Variants in ST6GALNAC3 observed in about 807,000 individuals in gnomAD.
The protein encoded by ST6GALNAC3 is alpha-N-acetylgalactosaminide alpha-2,6-sialyltransferase 3.
Under a neutral mutation model 32.7 loss-of-function variants are expected in ST6GALNAC3, and 25 were observed. That is an observed-to-expected ratio of 0.76 (90% CI 0.56 to 1.07). The LOEUF (loss-of-function observed/expected upper bound fraction) is 1.07. Ranked by LOEUF, ST6GALNAC3 falls within the 50% of genes least tolerant of loss-of-function variation. The pLI, the probability that ST6GALNAC3 is intolerant of heterozygous loss-of-function variation, is 0.00. For synonymous variants in ST6GALNAC3, 129 were observed against 133.1 expected (o/e 0.97, Z 0.21); for missense variants, 355 against 382.4 (o/e 0.93, Z 0.60).
chr1:76,542,696 A>G (rs1289758258), intron 3 of ST6GALNAC3, among the ~76,000 whole-genome samples: 2 of 152,186 alleles, frequency 1.3e-5, no homozygotes, highest in Admixed American at 1.3e-4. Flanking sequence ...TTGTAATGCA[A>G]TTAATTTTTC....
intron 1 of ST6GALNAC3, among the ~76,000 whole-genome samples, chr1:76,298,571 T>C (rs533657882): frequency 6.6e-6 from 1 of 152,150 alleles, no homozygotes; most frequent in South Asian, 2.1e-4. Flanking sequence ...ATATTTGACA[T>C]GTCTTCCTTT....
At chr1:76,254,519 T>C (rs1657805187) in intron 1 of ST6GALNAC3, among the ~76,000 whole-genome samples, 1 of 152,148 alleles carries the variant, frequency 6.6e-6, no homozygotes, top group African/African-American at 2.4e-5. Context: ...AAGCTGTTTT[T>C]ATGAAAAATC....
At chr1:76,219,891 A>G (rs986689489) in intron 1 of ST6GALNAC3, among the ~76,000 whole-genome samples, 1 of 152,134 alleles carries the variant, frequency 6.6e-6, no homozygotes, top group Non-Finnish European at 1.5e-5. Context: ...GCGGTTCTGG[A>G]TCTTGCTCTG....
intron 4 of ST6GALNAC3, 75 bp downstream of exon 4, chr1:76,627,634 A>T (rs34059069): frequency 9.2e-7 from 1 of 1,092,836 alleles, no homozygotes; most frequent in Non-Finnish European, 1.4e-6. Flanking sequence ...TCATTTTAAT[A>T]CCATAAATCT....
chr1:76,231,969 A>G (rs1226452838), intron 1 of ST6GALNAC3, among the ~76,000 whole-genome samples: 1 of 152,200 alleles, frequency 6.6e-6, no homozygotes, highest in African/African-American at 2.4e-5. Flanking sequence ...TGAAACACCT[A>G]ACTGAATTTT....
At chr1:76,347,335 T>C (rs1211198599) in intron 2 of ST6GALNAC3, among the ~76,000 whole-genome samples, 1 of 152,130 alleles carries the variant, frequency 6.6e-6, no homozygotes, top group Admixed American at 6.6e-5. Flanking sequence ...CAGCAGTCTT[T>C]TCCCCATCCA....
chr1:76,173,912 G>A (rs1004177622), intron 1 of ST6GALNAC3, among the ~76,000 whole-genome samples: 6 of 152,332 alleles, frequency 3.9e-5, no homozygotes, highest in Admixed American at 3.3e-4. Context: ...TTCAACCATT[G>A]TGGAAGACAG....
In ST6GALNAC3 at chr1:76,633,425, T is replaced by C. The variant is rs558747360; in HGVS notation, c.*4619T>C. 2 of 152,322 alleles carry C rather than the reference T, an allele frequency of 1.3e-5. No homozygotes were observed. The highest frequency in any genetic ancestry group is 2.1e-4 in the South Asian group (1 of 4,832). 9.4% of individuals were successfully genotyped at this position (152,322 alleles called of 1,614,324 possible). ...CTTTCTTCTCTCTGTTTGTTGCTAT[T>C]GGTAAGGCTAGGCTATGTTCTGTTA... On this transcript the variant is annotated 3_prime_UTR_variant, in exon 5 of 5. Transcript: ENST00000328299.
chr1:76,320,528 GC>G (rs769795581), intron 2 of ST6GALNAC3, among the ~76,000 whole-genome samples: 16 of 152,108 alleles, frequency 1.1e-4, no homozygotes, highest in Middle Eastern at 6.8e-3. Flanking sequence ...TTTCCAAGGG[GC>G]CCCTGAAGTA....
rs1236846739 is a variant in ST6GALNAC3 at position 76,509,653 on chromosome 1, A to G, written c.623+97236A>G. Among the ~76,000 whole-genome samples, 2 of 152,214 alleles carry G rather than the reference A, an allele frequency of 1.3e-5. No individual in the cohort carries two copies. Among genetic ancestry groups the G allele is most frequent in the African/African-American group, 2.4e-5 (1 of 41,470 alleles). On this transcript the variant is annotated intron_variant, in intron 3 of 4. Transcript: ENST00000328299. This position sits in a 1 kb window ranked among gnomAD's most constrained non-coding sequence, Gnocchi z 5.5. The stretch of plus-strand genomic sequence containing the variant: ...TTATACAGTTCGAAGTTAGAAGTCT[A>G]AAATGGGTTGTTAGGGCTGCATTCC...
intron 1 of ST6GALNAC3, among the ~76,000 whole-genome samples, chr1:76,170,830 G>T (rs1360507052): frequency 6.6e-6 from 1 of 152,144 alleles, no homozygotes; most frequent in Admixed American, 6.5e-5. Flanking sequence ...CTCATTTACA[G>T]AATAGTGTGG....
At chr1:76,167,877 T>G in intron 1 of ST6GALNAC3, among the ~76,000 whole-genome samples, 1 of 152,274 alleles carries the variant, frequency 6.6e-6, no homozygotes, top group African/African-American at 2.4e-5. Context: ...TCTTCTCTCT[T>G]TTCTTCTTTA....
chr1:76,541,291 G>T (rs1222924963), intron 3 of ST6GALNAC3, among the ~76,000 whole-genome samples: 1 of 152,104 alleles, frequency 6.6e-6, no homozygotes, highest in Non-Finnish European at 1.5e-5. Flanking sequence ...TATGGAACGT[G>T]GATCCAAGGG....
At chr1:76,520,659 GT>G (rs918395107) in intron 3 of ST6GALNAC3, among the ~76,000 whole-genome samples, 34 of 149,624 alleles carry the variant, frequency 2.3e-4, no homozygotes, top group African/African-American at 5.9e-4. Flanking sequence ...ACCTGGCTAA[GT>G]TTTTTTTTTA....
chr1:76,233,900 T>G (rs1378007645), intron 1 of ST6GALNAC3, among the ~76,000 whole-genome samples: 1 of 152,122 alleles, frequency 6.6e-6, no homozygotes, highest in Non-Finnish European at 1.5e-5. Flanking sequence ...AGATACACAG[T>G]ATATCTGTGA....
At chr1:76,570,826 T>A (rs147506774) in intron 3 of ST6GALNAC3, among the ~76,000 whole-genome samples, 347 of 152,168 alleles carry the variant, frequency 2.3e-3, no homozygotes, top group African/African-American at 7.9e-3. Flanking sequence ...CTCCAAGGAC[T>A]TTTTTCTTGG....
chr1:76,313,974 G>A lies in ST6GALNAC3; in HGVS notation c.188G>A (p.Gly63Glu), dbSNP rs2100897750. The A allele has an allele frequency of 6.2e-7, 1 of 1,612,796 alleles. No individual in the cohort carries two copies. Among genetic ancestry groups the A allele is most frequent in the Non-Finnish European group, 8.5e-7 (1 of 1,179,322 alleles). The change falls in exon 2 of 5, where the codon GGA becomes GAA. Residue 63 changes from glycine to glutamate, a missense_variant. Physicochemically the swap from Gly to Glu is moderately conservative, Grantham distance 98. Coordinates refer to ENST00000328299, the MANE Select transcript of ST6GALNAC3 (RefSeq NM_152996.4). ...AGGCGGCCCCTTCGAACTCACTATG[G>A]ATACATAAATGTGAAGACACAAGAG... is the stretch of plus-strand genomic sequence containing the variant. Reference protein sequence around the residue: ...TYRRPLRTHYGYINVKTQEPL... With the variant: ...TYRRPLRTHYEYINVKTQEPL...
chr1:76,301,050 C>T (rs1660700772), intron 1 of ST6GALNAC3, among the ~76,000 whole-genome samples: 5 of 151,992 alleles, frequency 3.3e-5, no homozygotes, highest in African/African-American at 1.2e-4. Context: ...GGGCACTAAG[C>T]TAGGCCTTTT....
chr1:76,353,027 C>T (rs1649122185), intron 2 of ST6GALNAC3, among the ~76,000 whole-genome samples: 1 of 151,356 alleles, frequency 6.6e-6, no homozygotes, highest in South Asian at 2.1e-4. Context: ...ATCTTCCAGC[C>T]CTCACCCTCA....
Sources: gnomAD v4.1 joint callset for allele counts (sites outside exome capture counted in the v4.1 genomes callset) on GRCh38, gnomAD v4.1.1 for gene constraint, Gnocchi (gnomAD v3.1) non-coding constraint, MANE v1.5 for transcripts, NCBI Gene and HGNC (gene_info 2026-07-23, HGNC 2026-07-21) for gene names.